Variants in MCF2L2 observed in about 807,000 individuals in gnomAD.
The protein encoded by MCF2L2 is probable guanine nucleotide exchange factor MCF2L2.
In MCF2L2, 102 loss-of-function variants were observed where a neutral mutation model predicts 150.2. That is an observed-to-expected ratio of 0.68 (90% CI 0.58 to 0.80). The LOEUF (loss-of-function observed/expected upper bound fraction) is 0.80. MCF2L2 is among the 30% of genes least tolerant of loss of function. The pLI, the probability that MCF2L2 is intolerant of heterozygous loss-of-function variation, is 0.00. For synonymous variants in MCF2L2, 465 were observed against 491.3 expected (o/e 0.95, Z 0.71); for missense variants, 1,256 against 1,372.8 (o/e 0.91, Z 1.34).
At chr3:183,383,670 G>A (rs1560050640) in intron 2 of MCF2L2, among the ~76,000 whole-genome samples, 1 of 152,180 alleles carries the variant, frequency 6.6e-6, no homozygotes, top group Non-Finnish European at 1.5e-5. Flanking sequence ...TTATTCTCAT[G>A]TAGCTAGACA....
intron 15 of MCF2L2, among the ~76,000 whole-genome samples, chr3:183,246,852 C>T (rs1724279373): frequency 6.6e-6 from 1 of 152,148 alleles, no homozygotes; most frequent in African/African-American, 2.4e-5. Context: ...TTTAGATTAT[C>T]ATTCTTTTTT....
intron 1 of MCF2L2, among the ~76,000 whole-genome samples, chr3:183,399,666 C>A (rs921184393): frequency 2.0e-5 from 3 of 152,218 alleles, no homozygotes. Context: ...TAACATGAAG[C>A]CTTTCAGACT....
At chr3:183,247,356 G>A (rs1247799919) in intron 15 of MCF2L2, among the ~76,000 whole-genome samples, 1 of 152,184 alleles carries the variant, frequency 6.6e-6, no homozygotes, top group African/African-American at 2.4e-5. Context: ...GTGTATGCCT[G>A]GCATTTGAGG....
intron 15 of MCF2L2, among the ~76,000 whole-genome samples, chr3:183,269,291 G>A (rs1045969352): frequency 7.2e-6 from 1 of 138,940 alleles, no homozygotes; most frequent in South Asian, 2.3e-4. Flanking sequence ...TGAATGGGAA[G>A]ACAGTGTAAA....
intron 14 of MCF2L2, among the ~76,000 whole-genome samples, chr3:183,280,212 T>A (rs986363883): frequency 6.6e-6 from 1 of 152,150 alleles, no homozygotes; most frequent in Non-Finnish European, 1.5e-5. Context: ...GGTAACTTCT[T>A]ACATCTTTCC....
At chr3:183,392,434 T>TC (rs200432800) in intron 1 of MCF2L2, among the ~76,000 whole-genome samples, 2,316 of 152,138 alleles carry the variant, frequency 0.015, 57 homozygotes, top group African/African-American at 0.053. Flanking sequence ...GGTTTGCCCA[T>TC]CCCCCCAGCC....
intron 15 of MCF2L2, among the ~76,000 whole-genome samples, chr3:183,269,229 G>GTTTTTT (rs1305607255): frequency 1.3e-5 from 1 of 77,022 alleles, no homozygotes; most frequent in African/African-American, 1.1e-4. Flanking sequence ...CGTTTGGGAA[G>GTTTTTT]CTTTTTTTTT....
In MCF2L2 at chr3:183,297,100, C is replaced by T. The variant is rs748817028; in HGVS notation, c.1373G>A (p.Arg458Gln). Residue 458 changes from arginine (R) to glutamine (Q), a missense_variant, in exon 12 of 30, where the codon CGA becomes CAA. Coordinates refer to ENST00000328913, the MANE Select transcript of MCF2L2 (RefSeq NM_015078.4). ...GTTCAAGGCGATATCAACCCCTTCT[C>T]GAGACTGGCACTTGTCTACAGCTTG... ...ASQAVDKCQS[R>Q]EGVDIALNDI... The T allele has an allele frequency of 4.2e-5, 68 of 1,614,046 alleles. No homozygotes were observed. The highest frequency in any genetic ancestry group is 1.6e-4 in the Middle Eastern group (1 of 6,082).
chr3:183,280,975 G>A (rs1314787516), intron 14 of MCF2L2, among the ~76,000 whole-genome samples: 1 of 151,934 alleles, frequency 6.6e-6, no homozygotes, highest in Non-Finnish European at 1.5e-5. Flanking sequence ...GCCCAATTCT[G>A]AGGAGAGAAA....
Position 183,283,903 on chromosome 3 carries a change from T to A in MCF2L2, c.1776+5217A>T, listed in dbSNP as rs1200052372. ...TGTCCTTGTGAGGAATTACTTTCTC[T>A]ACCACATTATATATTCCTTTTACTG... is the stretch of plus-strand genomic sequence containing the variant. On this transcript the variant is annotated intron_variant, in intron 14 of 29. Transcript: ENST00000328913. This position sits in a 1 kb window ranked among gnomAD's most constrained non-coding sequence, Gnocchi z 4.2. 1.3e-5 allele frequency among the ~76,000 whole-genome samples: 2 copies of A among 152,252 alleles called. No individual in the cohort carries two copies. The highest frequency in any genetic ancestry group is 2.9e-5 in the Non-Finnish European group (2 of 68,046).
chr3:183,397,975 C>T (rs189988567), intron 1 of MCF2L2, among the ~76,000 whole-genome samples: 2 of 152,158 alleles, frequency 1.3e-5, no homozygotes, highest in Admixed American at 1.3e-4. Context: ...GTTTAAAATA[C>T]ATTAAGTTTT....
chr3:183,246,888 T>G (rs996507766), intron 15 of MCF2L2, among the ~76,000 whole-genome samples: 2 of 152,222 alleles, frequency 1.3e-5, no homozygotes, highest in Non-Finnish European at 2.9e-5. Context: ...GCTAACCCAA[T>G]GGGCATGAAG....
intron 16 of MCF2L2, among the ~76,000 whole-genome samples, chr3:183,230,311 A>C (rs1357263711): frequency 6.6e-6 from 1 of 152,056 alleles, no homozygotes; most frequent in Non-Finnish European, 1.5e-5. Context: ...ACAGGGTTTC[A>C]CCATGTTGGC....
chr3:183,287,550 C>G (rs1162611992), intron 14 of MCF2L2: 1 of 152,184 alleles, frequency 6.6e-6, no homozygotes, highest in Non-Finnish European at 1.5e-5. Flanking sequence ...CCACAGACCT[C>G]CTGGGTGTTA....
At chr3:183,199,486 G>A (rs1401116658) in intron 25 of MCF2L2, among the ~76,000 whole-genome samples, 12 of 152,164 alleles carry the variant, frequency 7.9e-5, no homozygotes. Flanking sequence ...TTGTTGAAAG[G>A]AGTACAGTGT....
At chr3:183,342,157 CATT>C (rs772884681) in intron 3 of MCF2L2, among the ~76,000 whole-genome samples, 79 of 152,324 alleles carry the variant, frequency 5.2e-4, no homozygotes, top group Non-Finnish European at 8.7e-4. Flanking sequence ...GAGAAGACAT[CATT>C]GTCACTAAGA....
At chr3:183,348,269 G>A (rs906119496) in intron 3 of MCF2L2, among the ~76,000 whole-genome samples, 2 of 152,108 alleles carry the variant, frequency 1.3e-5, no homozygotes, top group African/African-American at 4.8e-5. Flanking sequence ...GGATGAAGCT[G>A]GAAACCATCA....
chr3:183,318,263 C>T, intron 6 of MCF2L2, 46 bp from the exon 7 acceptor site: 2 of 1,600,206 alleles, frequency 1.2e-6, no homozygotes, highest in South Asian at 2.2e-5. Flanking sequence ...TTAACATTCA[C>T]CAACATGCTG....
At chr3:183,219,703 T>C (rs41329847) in intron 21 of MCF2L2, among the ~76,000 whole-genome samples, 153 bp downstream of exon 21, 13 of 151,964 alleles carry the variant, frequency 8.6e-5, no homozygotes, top group African/African-American at 3.1e-4. Context: ...AATTTTTTTG[T>C]TTTTTTTCTT....
Sources: allele counts gnomAD v4.1 joint callset (sites outside exome capture counted in the v4.1 genomes callset), GRCh38; gene constraint gnomAD v4.1.1; non-coding constraint Gnocchi (gnomAD v3.1); transcripts MANE v1.5; gene names NCBI Gene and HGNC (gene_info 2026-07-23, HGNC 2026-07-21).